The following GRM1 variants were observed in gnomAD, a reference collection of about 807,000 sequenced individuals.
GRM1 encodes glutamate metabotropic receptor 1, also known as metabotropic glutamate receptor 1.
GRM1 carries 33 observed loss-of-function variants against 90.9 expected under a neutral mutation model. The observed-to-expected ratio is 0.36, with a 90% CI of 0.28 to 0.49. GRM1 has a LOEUF of 0.49. GRM1 is among the 20% of genes least tolerant of loss of function. The probability of loss-of-function intolerance (pLI) is 0.99; values close to 1 mark genes in which losing one functional copy is unlikely to be tolerated. For synonymous variants in GRM1, 700 were observed against 613.2 expected, an observed-to-expected ratio of 1.14 and a Z score of -2.09; for missense variants, 1,190 against 1,534.3, an observed-to-expected ratio of 0.78 and a Z score of 3.75.
At chr6:146,396,855 A>C (rs962744766) in intron 6 of GRM1, among the ~76,000 whole-genome samples, 1 of 152,222 alleles carries the variant, frequency 6.6e-6, no homozygotes, top group Non-Finnish European at 1.5e-5. Context: ...ATGACTTAAT[A>C]TATAAAGATA....
intron 5 of GRM1, among the ~76,000 whole-genome samples, chr6:146,366,762 CT>C (rs1464654474): frequency 6.6e-6 from 1 of 151,882 alleles, no homozygotes; most frequent in Non-Finnish European, 1.5e-5. Flanking sequence ...TTTTCTTGCC[CT>C]TGAGTTGTTT....
chr6:146,398,697 GTAAT>G lies in GRM1; in HGVS notation c.1730-67_1730-64del, dbSNP rs1488685410. ...GGATGCAAAGATGACTGTGTCTCTGGTAATTAATAGGCAAGTTGTTATTCCTAGC... is the reference window on the plus strand; with the variant it reads ...GGATGCAAAGATGACTGTGTCTCTGGTAATAGGCAAGTTGTTATTCCTAGC... On this transcript the variant is annotated intron_variant, in intron 6 of 7. Transcript: ENST00000282753. The G allele has an allele frequency of 1.3e-5, 13 of 1,007,046 alleles. No homozygotes were observed. In the East Asian group the frequency reaches 2.8e-4, roughly 22 times the overall value. The allele number at this position is 1,007,046 out of a possible 1,614,324, so 62.4% of individuals were successfully genotyped here. A position where few individuals can be genotyped will look rare whatever the true frequency, so the allele number is the denominator to read the frequency against.
At chr6:146,198,281 G>T (rs186102168) in intron 2 of GRM1, among the ~76,000 whole-genome samples, 2 of 152,336 alleles carry the variant, frequency 1.3e-5, no homozygotes, top group East Asian at 3.9e-4. Context: ...TATAGTCATT[G>T]TCCAGGTTCC....
intron 2 of GRM1, among the ~76,000 whole-genome samples, chr6:146,213,344 A>G (rs1364575360): frequency 1.3e-5 from 2 of 152,110 alleles, no homozygotes; most frequent in Non-Finnish European, 2.9e-5. Context: ...GAAGAAATTA[A>G]TTTTAATCTT....
intron 2 of GRM1, among the ~76,000 whole-genome samples, chr6:146,291,044 G>T (rs562168802): frequency 6.6e-6 from 1 of 152,214 alleles, no homozygotes; most frequent in Admixed American, 6.5e-5. Context: ...ATGAAACAAG[G>T]GGGAACTAAT....
At chr6:146,252,207 G>A (rs1781312591) in intron 2 of GRM1, among the ~76,000 whole-genome samples, 1 of 152,120 alleles carries the variant, frequency 6.6e-6, no homozygotes, top group African/African-American at 2.4e-5. Flanking sequence ...CAAAATATTT[G>A]TTGACTAAAT....
intron 2 of GRM1, among the ~76,000 whole-genome samples, chr6:146,204,413 T>G (rs1779425066): frequency 1.3e-5 from 2 of 152,202 alleles, no homozygotes; most frequent in Admixed American, 6.5e-5. Flanking sequence ...TTTTCTTAAT[T>G]TACACCCTTT....
At chr6:146,221,118 ACAACC>A (rs1334543739) in intron 2 of GRM1, among the ~76,000 whole-genome samples, 1 of 152,150 alleles carries the variant, frequency 6.6e-6, no homozygotes, top group Admixed American at 6.6e-5. Context: ...ATTTCTGAAA[ACAACC>A]CAAAGCCACT....
intron 1 of GRM1, among the ~76,000 whole-genome samples, chr6:146,109,731 C>T (rs181566459): frequency 5.7e-4 from 87 of 152,244 alleles, no homozygotes; most frequent in Non-Finnish European, 7.4e-4. Context: ...TTCCGGCCCA[C>T]GAAAACAGCC....
At chr6:146,075,070 TA>T (rs1776139286) in intron 1 of GRM1, among the ~76,000 whole-genome samples, 1 of 152,210 alleles carries the variant, frequency 6.6e-6, no homozygotes, top group South Asian at 2.1e-4. Flanking sequence ...TCATATATCA[TA>T]AACTGGGTTT....
chr6:146,056,188 A>G (rs1289636152), intron 1 of GRM1, among the ~76,000 whole-genome samples: 1 of 152,126 alleles, frequency 6.6e-6, no homozygotes, highest in African/African-American at 2.4e-5. Context: ...TTCTAAAACT[A>G]TCTCACACAG....
chr6:146,060,097 G>A (rs1381188437), intron 1 of GRM1, among the ~76,000 whole-genome samples: 1 of 151,962 alleles, frequency 6.6e-6, no homozygotes, highest in South Asian at 2.1e-4. Context: ...TAACTTTTTG[G>A]TGAAAGGGGT....
intron 3 of GRM1, among the ~76,000 whole-genome samples, chr6:146,310,608 C>T (rs1783739489): frequency 6.6e-6 from 1 of 152,190 alleles, no homozygotes; most frequent in Non-Finnish European, 1.5e-5. Context: ...GTTTTGTTCC[C>T]TACCTGTTGA....
intron 3 of GRM1, among the ~76,000 whole-genome samples, chr6:146,315,486 A>G (rs1223310282): frequency 6.6e-6 from 1 of 152,210 alleles, no homozygotes; most frequent in Admixed American, 6.5e-5. Context: ...CTATTATGCA[A>G]TCCATTTGGC....
chr6:146,369,017 C>T (rs970684576), intron 5 of GRM1, among the ~76,000 whole-genome samples: 3 of 151,944 alleles, frequency 2.0e-5, no homozygotes, highest in Non-Finnish European at 4.4e-5. Flanking sequence ...CTGATTCAAT[C>T]ATTTTACCCA....
intron 1 of GRM1, among the ~76,000 whole-genome samples, chr6:146,060,632 T>C (rs1775633292): frequency 6.6e-6 from 1 of 152,192 alleles, no homozygotes; most frequent in Non-Finnish European, 1.5e-5. Context: ...TAACACATTG[T>C]CTTTATCCAG....
intron 1 of GRM1, among the ~76,000 whole-genome samples, chr6:146,052,174 G>C (rs755895001): frequency 3.9e-5 from 6 of 151,964 alleles, no homozygotes; most frequent in Non-Finnish European, 4.4e-5. Flanking sequence ...ATTTGTCTGA[G>C]GGAAAGAATT....
chr6:146,337,095 GT>G (rs1784798964), intron 3 of GRM1, among the ~76,000 whole-genome samples: 1 of 152,174 alleles, frequency 6.6e-6, no homozygotes, highest in Non-Finnish European at 1.5e-5. Context: ...TTATCATCAT[GT>G]TTTCTGTGGA....
At chr6:146,056,902 T>G (rs1164743096) in intron 1 of GRM1, among the ~76,000 whole-genome samples, 2 of 152,144 alleles carry the variant, frequency 1.3e-5, no homozygotes, top group Admixed American at 1.3e-4. Flanking sequence ...CTTGGCTATC[T>G]CCTGCTGTAG....
Sources: allele counts gnomAD v4.1 joint callset (sites outside exome capture counted in the v4.1 genomes callset), GRCh38; gene constraint gnomAD v4.1.1; transcripts MANE v1.5; gene names NCBI Gene and HGNC (gene_info 2026-07-23, HGNC 2026-07-21).